Variants in SH3KBP1 observed in about 807,000 individuals in gnomAD.
SH3KBP1 encodes SH3 domain containing kinase binding protein 1, also known as SH3 domain-containing kinase-binding protein 1.
SH3KBP1 carries 8 observed loss-of-function variants against 50.1 expected under a neutral mutation model. The observed-to-expected ratio is 0.16, with a 90% CI of 0.09 to 0.29. SH3KBP1 has a LOEUF of 0.29. SH3KBP1 is among the 10% of genes least tolerant of loss of function. SH3KBP1 has a pLI of 1.00. For missense variants in SH3KBP1, 377 were observed against 535.2 expected, an observed-to-expected ratio of 0.70 and a Z score of 2.92; for synonymous variants, 227 against 218.6, an observed-to-expected ratio of 1.04 and a Z score of -0.34.
chrX:19,723,833 A>T (rs770124290), intron 3 of SH3KBP1, among the ~76,000 whole-genome samples: 1 of 111,527 alleles, frequency 9.0e-6, no homozygotes, highest in African/African-American at 3.3e-5. Context: ...TGAGCAGATG[A>T]TTGTGTGGGG....
At chrX:19,623,990 A>G (rs2067931968) in intron 8 of SH3KBP1, among the ~76,000 whole-genome samples, 1 of 111,722 alleles carries the variant, frequency 9.0e-6, no homozygotes, top group Non-Finnish European at 1.9e-5. Flanking sequence ...TTTAACCTTT[A>G]AAGAAAATAT....
At chrX:19,553,953 AAATAT>A (rs1284085507) in intron 13 of SH3KBP1, among the ~76,000 whole-genome samples, 1 of 68,143 alleles carries the variant, frequency 1.5e-5, no homozygotes, top group Admixed American at 2.3e-4. Flanking sequence ...ATATATATTA[AAATAT>A]AATATATAAT....
chrX:19,879,764 C>T (rs1219833606), intron 1 of SH3KBP1, among the ~76,000 whole-genome samples: 3 of 112,813 alleles, frequency 2.7e-5, no homozygotes, highest in South Asian at 7.2e-4. Flanking sequence ...GTGCATAAAA[C>T]GAAGACTGTG....
At chrX:19,593,313 A>C (rs983339532) in intron 10 of SH3KBP1, among the ~76,000 whole-genome samples, 4 of 111,796 alleles carry the variant, frequency 3.6e-5, no homozygotes, top group African/African-American at 1.3e-4. Flanking sequence ...TCAGAGAACA[A>C]AAGAAGTTAA....
chrX:19,669,057 G>A (rs1164777940), intron 6 of SH3KBP1, among the ~76,000 whole-genome samples: 1 of 93,627 alleles, frequency 1.1e-5, no homozygotes, highest in Non-Finnish European at 2.1e-5. Context: ...CAACCTCCCG[G>A]GCTCAGGCGA....
intron 3 of SH3KBP1, among the ~76,000 whole-genome samples, chrX:19,730,759 T>G (rs1410456381): frequency 9.0e-6 from 1 of 111,288 alleles, no homozygotes; most frequent in Non-Finnish European, 1.9e-5. Flanking sequence ...CAAAATTAAC[T>G]TTCCCTCCCT....
intron 1 of SH3KBP1, among the ~76,000 whole-genome samples, chrX:19,878,742 A>T (rs181056044): frequency 1.8e-5 from 2 of 110,752 alleles, no homozygotes; most frequent in Non-Finnish European, 3.8e-5. Flanking sequence ...GGTGATTTTA[A>T]AAAAAGAAAG....
rs12558002 is a variant in SH3KBP1 at position 19,738,936 on chromosome X, G to A, written c.286+7382C>T. Reference sequence around the variant, plus strand: ...TGAGGCAGGAGAATGGCTTGAACCCGGGAGGCGAAAGTTGCAGTGAGCCGA... The same window carrying A: ...TGAGGCAGGAGAATGGCTTGAACCCAGGAGGCGAAAGTTGCAGTGAGCCGA... On this transcript the variant is annotated intron_variant, in intron 3 of 17. Coordinates refer to ENST00000397821, the MANE Select transcript of SH3KBP1 (RefSeq NM_031892.3). Among the ~76,000 whole-genome samples, 938 of 103,810 alleles carry A rather than the reference G, an allele frequency of 9.0e-3. 44 individuals carry two copies. Among genetic ancestry groups the A allele is most frequent in the Admixed American group, 0.079 (756 of 9,511 alleles). The allele number at this position is 103,810 out of a possible 115,157, so 90.1% of individuals were successfully genotyped here.
chrX:19,642,834 G>A lies in SH3KBP1; in HGVS notation c.802+2566C>T, dbSNP rs185453645. On this transcript the variant is annotated intron_variant, in intron 7 of 17. Transcript: ENST00000397821. The stretch of plus-strand genomic sequence containing the variant: ...TTTTTGAGAGGGTGGGGATGATAAT[G>A]TTGTTTAACTAAATCCTGATCAGCT... Among the ~76,000 whole-genome samples, 302 of 110,779 alleles carry A rather than the reference G, an allele frequency of 2.7e-3. 2 individuals carry two copies. The highest frequency in any genetic ancestry group is 9.5e-3 in the African/African-American group (289 of 30,496).
At chrX:19,580,532 C>A (rs2066338495) in intron 12 of SH3KBP1, among the ~76,000 whole-genome samples, 1 of 111,628 alleles carries the variant, frequency 9.0e-6, no homozygotes, top group Non-Finnish European at 1.9e-5. Flanking sequence ...GTGGTTCTCA[C>A]AATGTGGTCC....
At chrX:19,559,194 C>T (rs1239247612) in intron 13 of SH3KBP1, among the ~76,000 whole-genome samples, 1 of 87,254 alleles carries the variant, frequency 1.1e-5, no homozygotes, top group Non-Finnish European at 2.1e-5. Context: ...ATCGCTTGAA[C>T]CCGGGAGGTG....
At chrX:19,687,900 C>G (rs945116758) in intron 5 of SH3KBP1, among the ~76,000 whole-genome samples, 4 of 112,263 alleles carry the variant, frequency 3.6e-5, no homozygotes, top group African/African-American at 1.3e-4. Flanking sequence ...CCCCATGCAA[C>G]CAGTATGGCA....
In SH3KBP1 at chrX:19,611,420, C is replaced by G. The variant is rs980477030; in HGVS notation, c.898-3375G>C. 7.2e-5 allele frequency among the ~76,000 whole-genome samples: 8 copies of G among 111,849 alleles called. No individual in the cohort carries two copies. In the East Asian group the frequency reaches 2.3e-3, roughly 31 times the overall value. Reference sequence around the variant, plus strand: ...CCAGGCTGGAGTGCAGTGGCGTGATCTCGGCTCACTGCAACCTCCGCCTCC... The same window carrying G: ...CCAGGCTGGAGTGCAGTGGCGTGATGTCGGCTCACTGCAACCTCCGCCTCC... On this transcript the variant is annotated intron_variant, in intron 8 of 17. Transcript: ENST00000397821.
At chrX:19,855,283 C>G (rs903769417) in intron 1 of SH3KBP1, among the ~76,000 whole-genome samples, 2 of 111,920 alleles carry the variant, frequency 1.8e-5, no homozygotes, top group African/African-American at 6.5e-5. Context: ...CATGCCCCGC[C>G]GGTAAGCTTT....
intron 10 of SH3KBP1, 42 bp from the exon 11 acceptor site, chrX:19,592,189 T>C (rs2066769955): frequency 9.8e-7 from 1 of 1,019,307 alleles, no homozygotes. Context: ...ATGTTTTCTG[T>C]ACTCAATTAT....
intron 6 of SH3KBP1, among the ~76,000 whole-genome samples, chrX:19,651,507 C>T (rs754453776): frequency 8.9e-6 from 1 of 112,187 alleles, no homozygotes; most frequent in African/African-American, 3.2e-5. Context: ...TATTTTTAAA[C>T]TTGGTTATAA....
intron 8 of SH3KBP1, among the ~76,000 whole-genome samples, chrX:19,622,201 G>A (rs1340491804): frequency 1.8e-5 from 2 of 111,905 alleles, no homozygotes; most frequent in Non-Finnish European, 1.9e-5. Flanking sequence ...TGAATATAAG[G>A]TATTTTTATA....
intron 2 of SH3KBP1, among the ~76,000 whole-genome samples, chrX:19,828,014 A>C (rs1335613469): frequency 1.8e-5 from 2 of 109,492 alleles, no homozygotes; most frequent in Non-Finnish European, 3.8e-5. Flanking sequence ...ACTCCCCCCC[A>C]TCCCCCGCCA....
At chrX:19,537,818 A>T (rs1454613689) in intron 16 of SH3KBP1, 38 bp from the exon 17 acceptor site, 1 of 1,088,073 alleles carries the variant, frequency 9.2e-7, no homozygotes, top group Non-Finnish European at 1.3e-6. Context: ...CCAAAATCCC[A>T]GACTTCCTTC....
Sources: allele counts gnomAD v4.1 joint callset (sites outside exome capture counted in the v4.1 genomes callset), GRCh38; gene constraint gnomAD v4.1.1; transcripts MANE v1.5; gene names NCBI Gene and HGNC (gene_info 2026-07-23, HGNC 2026-07-21).